Variants in ATP11B observed in about 807,000 individuals in gnomAD.
ATP11B encodes the protein ATPase phospholipid transporting 11B (putative).
ATP11B carries 81 observed loss-of-function variants against 157.8 expected under a neutral mutation model. That is an observed-to-expected ratio of 0.51 (90% CI 0.43 to 0.62). ATP11B has a LOEUF of 0.62. Among genes scored for constraint, ATP11B ranks in the 20% least tolerant of loss-of-function variants. The pLI, the probability that ATP11B is intolerant of heterozygous loss-of-function variation, is 0.00. For synonymous variants in ATP11B, 451 were observed against 469.4 expected (o/e 0.96, Z 0.51); for missense variants, 1,165 against 1,402.2 (o/e 0.83, Z 2.70).
chr3:182,867,814 A>G (rs1721361687), intron 15 of ATP11B, among the ~76,000 whole-genome samples: 1 of 151,694 alleles, frequency 6.6e-6, no homozygotes, highest in African/African-American at 2.4e-5. Flanking sequence ...CAAGAGATCC[A>G]CCCACCTTGG....
At position 182,836,102 on chromosome 3, in the gene ATP11B, G is replaced by A. The variant is rs769443660; in HGVS notation, c.383G>A (p.Arg128Gln). The change falls in exon 5 of 30, where the codon CGA (arginine) becomes CAA (glutamine). Residue 128 changes from arginine (R) to glutamine (Q), a missense_variant. Around this residue, in one of 4 missense-constraint regions of ATP11B, gnomAD observed 34 missense variants for 79.6 expected, o/e 0.43. Transcript: ENST00000323116. ...EVNGAPVYVVRSGGLVKTRSK... is the reference protein window; with the variant it reads ...EVNGAPVYVVQSGGLVKTRSK... ...AATGGAGCTCCTGTTTATGTTGTTC[G>A]AAGTGGTGGCCTTGTAAAAACTAGA... is the stretch of plus-strand genomic sequence containing the variant. 1.1e-5 allele frequency: 18 copies of A among 1,613,410 alleles called. No homozygotes were observed. The highest frequency in any genetic ancestry group is 8.3e-5 in the Admixed American group (5 of 59,932).
Position 182,836,036 on chromosome 3 carries a change from GA to G in ATP11B, c.318del (p.Tyr107MetfsTer13), listed in dbSNP as rs1560074496. ...TTTTTACCCTTTGGATATTTACAGG[GA>G]TATGAAGATTGGTTACGGCATAACT... ...FVITVTAIKQ[G>X]YEDWLRHNSD... On this transcript the variant is annotated frameshift_variant and splice_region_variant, in exon 5 of 30. Transcript: ENST00000323116. LOFTEE classifies it high-confidence loss of function. 2 of 1,606,556 alleles carry G rather than the reference GA, an allele frequency of 1.2e-6. No individual in the cohort carries two copies.
At chr3:182,834,694 A>G (rs1048556348) in intron 4 of ATP11B, among the ~76,000 whole-genome samples, 1 of 152,208 alleles carries the variant, frequency 6.6e-6, no homozygotes, top group Non-Finnish European at 1.5e-5. Context: ...TATTTAATCA[A>G]AAGATTCTTT....
At position 182,865,621 on chromosome 3, in the gene ATP11B, T is replaced by C; in HGVS notation, c.1366T>C (p.Leu456=). ...AGGAAACTTATCTTATCTTAGTAGTTTATCCCATCTTAACAACTTATCCCA... is the reference window on the plus strand; with the variant it reads ...AGGAAACTTATCTTATCTTAGTAGTCTATCCCATCTTAACAACTTATCCCA... ...SEGNLSYLSS[L]SHLNNLSHLT... is the part of the protein sequence containing the mutation. The change falls in exon 13 of 30, where the codon TTA becomes CTA. Residue 456 remains leucine, a synonymous_variant. Coordinates refer to ENST00000323116, the MANE Select transcript of ATP11B (RefSeq NM_014616.3). 1 of 1,613,646 alleles carries C rather than the reference T, an allele frequency of 6.2e-7. No homozygotes were observed. The highest frequency in any genetic ancestry group is 2.2e-5 in the East Asian group (1 of 44,814).
Position 182,869,279 on chromosome 3 carries a change from G to GTA in ATP11B, c.1817_1818dup (p.Gly607Ter). The GTA allele has an allele frequency of 6.2e-7, 1 of 1,610,222 alleles. No homozygotes were observed. The highest frequency in any genetic ancestry group is 8.5e-7 in the Non-Finnish European group (1 of 1,178,412). The stretch of plus-strand genomic sequence containing the variant: ...GCTGAGTCATCAATTCTCCCTAAAT[G>GTA]TATAGGTGGAGAAATAGAAAAAACC... On this transcript the variant is annotated frameshift_variant, in exon 17 of 30. Coordinates refer to ENST00000323116, the MANE Select transcript of ATP11B (RefSeq NM_014616.3). LOFTEE classifies it high-confidence loss of function.
intron 3 of ATP11B, among the ~76,000 whole-genome samples, chr3:182,829,018 A>G (rs1183113505): frequency 2.0e-5 from 3 of 152,176 alleles, no homozygotes; most frequent in Non-Finnish European, 4.4e-5. Flanking sequence ...TTTAAAAAGA[A>G]AAAATTGCTT....
intron 2 of ATP11B, among the ~76,000 whole-genome samples, chr3:182,825,901 AAAAAT>A (rs993471585): frequency 2.0e-5 from 3 of 152,182 alleles, no homozygotes; most frequent in Admixed American, 6.5e-5. Flanking sequence ...ACTGTCTCAA[AAAAAT>A]AAAATAAAAT....
At chr3:182,888,492 TTAAAG>T (rs1347008615) in intron 24 of ATP11B, among the ~76,000 whole-genome samples, 1 of 152,150 alleles carries the variant, frequency 6.6e-6, no homozygotes, top group East Asian at 1.9e-4. Context: ...CTTTTCAAAA[TTAAAG>T]TGAAGTATTA....
intron 21 of ATP11B, among the ~76,000 whole-genome samples, chr3:182,882,536 C>G (rs9810718): frequency 6.6e-6 from 1 of 151,396 alleles, no homozygotes; most frequent in Non-Finnish European, 1.5e-5. Flanking sequence ...GAGTCTCTTT[C>G]TATTATTTGT....
intron 18 of ATP11B, among the ~76,000 whole-genome samples, chr3:182,872,920 G>C (rs949872159): frequency 6.6e-6 from 1 of 152,128 alleles, no homozygotes; most frequent in African/African-American, 2.4e-5. Context: ...AAACTATTCT[G>C]TTTTGTGCCT....
At chr3:182,866,977 C>T (rs966281194) in intron 14 of ATP11B, among the ~76,000 whole-genome samples, 1 of 150,714 alleles carries the variant, frequency 6.6e-6, no homozygotes, top group Non-Finnish European at 1.5e-5. Flanking sequence ...GTCACCCAGG[C>T]TGGAGTGCAG....
intron 4 of ATP11B, among the ~76,000 whole-genome samples, chr3:182,831,070 A>G (rs1232267998): frequency 6.6e-6 from 1 of 152,126 alleles, no homozygotes; most frequent in Non-Finnish European, 1.5e-5. Flanking sequence ...TCCCAAATTT[A>G]TGTTTATCCT....
At chr3:182,820,185 A>C in intron 1 of ATP11B, 75 bp from the exon 2 acceptor site, 2 of 965,252 alleles carry the variant, frequency 2.1e-6, no homozygotes, top group Non-Finnish European at 3.3e-6. Flanking sequence ...GACCAGCTAA[A>C]TAAAGCTAAC....
intron 15 of ATP11B, among the ~76,000 whole-genome samples, chr3:182,868,202 A>G (rs1363757079): frequency 6.6e-6 from 1 of 151,860 alleles, no homozygotes; most frequent in African/African-American, 2.4e-5. Flanking sequence ...TCTTTCAAAC[A>G]TGAAGGAACA....
intron 25 of ATP11B, among the ~76,000 whole-genome samples, chr3:182,893,063 G>A (rs988971791): frequency 2.6e-5 from 4 of 152,138 alleles, no homozygotes; most frequent in Non-Finnish European, 5.9e-5. Context: ...CTAAGTATTA[G>A]TTAAAAAGTA....
chr3:182,920,166 C>G lies in ATP11B; in HGVS notation c.*2062C>G, dbSNP rs959172269. The G allele has an allele frequency of 6.6e-6, 1 of 152,130 alleles. No homozygotes were observed. The highest frequency in any genetic ancestry group is 2.4e-5 in the African/African-American group (1 of 41,434). The allele number at this position is 152,130 out of a possible 1,614,324, so 9.4% of individuals were successfully genotyped here. A position where few individuals can be genotyped will look rare whatever the true frequency, so the allele number is the denominator to read the frequency against. ...TAAAATAGCCTATGACCAACTGCAG[C>G]AAGACAGGAGGTCAGCTCGCCTATA... On this transcript the variant is annotated 3_prime_UTR_variant, in exon 30 of 30. Coordinates refer to ENST00000323116, the MANE Select transcript of ATP11B (RefSeq NM_014616.3).
chr3:182,836,310 A>G (rs1334847102), intron 5 of ATP11B, 32 bp from the exon 6 acceptor site: 32 of 1,612,040 alleles, frequency 2.0e-5, no homozygotes, highest in Non-Finnish European at 2.7e-5. Flanking sequence ...TTTAAAATTT[A>G]TAAATTCACT....
chr3:182,859,320 T>C lies in ATP11B; in HGVS notation c.1161T>C (p.Ala387=). The C allele has an allele frequency of 6.2e-7, 1 of 1,609,522 alleles. No homozygotes were observed. The highest frequency in any genetic ancestry group is 1.7e-5 in the Admixed American group (1 of 59,614). The change falls in exon 12 of 30, where the codon GCT becomes GCC. Residue 387 remains alanine, a synonymous_variant. Transcript: ENST00000323116. Reference sequence around the variant, plus strand: ...ATCATGAAGAATCAGATCAGAAAGCTCAAGTCAATACTTCCGATCTGAATG... The same window carrying C: ...ATCATGAAGAATCAGATCAGAAAGCCCAAGTCAATACTTCCGATCTGAATG... ...DLYHEESDQK[A]QVNTSDLNEE... is the part of the protein sequence containing the mutation.
rs371687165 is a variant in ATP11B at position 182,887,713 on chromosome 3, G to A, written c.2843G>A (p.Arg948Gln). ...TTACAAAATAAGCCCACCCTTTATCGGTAAGTATTTTCTGGTATTAAATGG... is the reference window on the plus strand; with the variant it reads ...TTACAAAATAAGCCCACCCTTTATCAGTAAGTATTTTCTGGTATTAAATGG... ...HVLQNKPTLY[R>Q]DISKNRLLSI... The change falls in exon 24 of 30, where the codon CGA (arginine) becomes CAA (glutamine). Residue 948 changes from arginine to glutamine, a missense_variant and splice_region_variant. Arg to Gln is a conservative substitution (Grantham distance 43, BLOSUM62 1). Coordinates refer to ENST00000323116, the MANE Select transcript of ATP11B (RefSeq NM_014616.3). 1.7e-5 allele frequency: 28 copies of A among 1,606,376 alleles called. No individual in the cohort carries two copies. Among genetic ancestry groups the A allele is most frequent in the African/African-American group, 4.0e-5 (3 of 74,456 alleles).
Sources: gnomAD v4.1 joint callset for allele counts (sites outside exome capture counted in the v4.1 genomes callset) on GRCh38, gnomAD v4.1.1 for gene constraint, gnomAD v4.1.1 regional missense constraint, MANE v1.5 for transcripts, NCBI Gene and HGNC (gene_info 2026-07-23, HGNC 2026-07-21) for gene names.